ICA1L: variants seen among roughly 807,000 people sequenced by gnomAD.
ICA1L encodes islet cell autoantigen 1-like protein.
A neutral mutation model predicts 61.3 loss-of-function variants in ICA1L; 50 were observed. The observed-to-expected ratio is 0.82, with a 90% CI of 0.65 to 1.03. The LOEUF (loss-of-function observed/expected upper bound fraction) is 1.03. Ranked by LOEUF, ICA1L falls within the 50% of genes least tolerant of loss-of-function variation. ICA1L has a pLI of 0.00. For synonymous variants in ICA1L, 161 were observed against 191.3 expected, an observed-to-expected ratio of 0.84 and a Z score of 1.31; for missense variants, 508 against 556.7, an observed-to-expected ratio of 0.91 and a Z score of 0.88.
chr2:202,796,565 C>G (rs756036295), intron 10 of ICA1L, among the ~76,000 whole-genome samples: 1 of 152,108 alleles, frequency 6.6e-6, no homozygotes, highest in Non-Finnish European at 1.5e-5. Flanking sequence ...TTGCTAGTAT[C>G]TAATGACACT....
intron 12 of ICA1L, among the ~76,000 whole-genome samples, chr2:202,785,590 T>TTTTG (rs1559126220): frequency 6.6e-6 from 1 of 151,918 alleles, no homozygotes; most frequent in Non-Finnish European, 1.5e-5. Flanking sequence ...TGGCTAATTT[T>TTTTG]TTTGTTGTTG....
rs1423414485 is a variant in ICA1L at position 202,857,846 on chromosome 2, T to A, written c.-8+13773A>T. Among the ~76,000 whole-genome samples, 3 of 152,100 alleles carry A rather than the reference T, an allele frequency of 2.0e-5. No individual in the cohort carries two copies. The East Asian group carries it at 5.8e-4, about 29-fold the overall frequency. On this transcript the variant is annotated intron_variant, in intron 1 of 12. Transcript: ENST00000358299. ...AGACACTTCTCAAAAGACATTTATG[T>A]GGCCAAGAAACATACGGAAAAAAAA... is the stretch of plus-strand genomic sequence containing the variant.
In ICA1L at chr2:202,831,325, T is replaced by C. The variant is rs184650643; in HGVS notation, c.-7-2309A>G. Among the ~76,000 whole-genome samples the C allele has an allele frequency of 3.3e-5, 5 of 152,340 alleles. 1 individual carries two copies. The East Asian group carries it at 7.7e-4, about 24-fold the overall frequency. ...CATGGATTTGATATAAGCATTATAC[T>C]GTCCTGACACATCAAGCGTCTTGAG... On this transcript the variant is annotated intron_variant, in intron 1 of 12. Coordinates refer to ENST00000358299, the MANE Select transcript of ICA1L (RefSeq NM_001288622.3).
In ICA1L at chr2:202,789,017, G is replaced by A; in HGVS notation, c.1056C>T (p.Asn352=). Residue 352 remains asparagine, a synonymous_variant, in exon 11 of 13, where the codon AAC becomes AAT. Coordinates refer to ENST00000358299, the MANE Select transcript of ICA1L (RefSeq NM_001288622.3). ...TACTTGAAGAACCAGAACTTAGGAG[G>A]TTGTTCAGAAATGAGAATTCCTTCT... ...DFEKEFSFLN[N]LLSSGSSSTS... 1 of 1,613,262 alleles carries A rather than the reference G, an allele frequency of 6.2e-7. No individual in the cohort carries two copies. Among genetic ancestry groups the A allele is most frequent in the Non-Finnish European group, 8.5e-7 (1 of 1,179,440 alleles).
At chr2:202,850,047 A>G (rs1694575207) in intron 1 of ICA1L, among the ~76,000 whole-genome samples, 2 of 152,248 alleles carry the variant, frequency 1.3e-5, no homozygotes, top group Admixed American at 1.3e-4. Flanking sequence ...GCAGACCTGC[A>G]GAAGAGGGGC....
chr2:202,786,269 G>A (rs1344117482), intron 11 of ICA1L, among the ~76,000 whole-genome samples: 5 of 152,264 alleles, frequency 3.3e-5, no homozygotes, highest in South Asian at 2.1e-4. Flanking sequence ...AATTGAGGCC[G>A]GGCGCGGTGG....
At chr2:202,847,361 T>A (rs1417420638) in intron 1 of ICA1L, among the ~76,000 whole-genome samples, 1 of 152,152 alleles carries the variant, frequency 6.6e-6, no homozygotes, top group Non-Finnish European at 1.5e-5. Flanking sequence ...TCTGAAATGA[T>A]CAAGAACATC....
intron 12 of ICA1L, among the ~76,000 whole-genome samples, chr2:202,781,864 C>T (rs1574319982): frequency 6.6e-6 from 1 of 152,282 alleles, no homozygotes; most frequent in Non-Finnish European, 1.5e-5. Flanking sequence ...TACCAATTTA[C>T]ACTCCTACAC....
At chr2:202,833,743 GTATA>G (rs1002267639) in intron 1 of ICA1L, among the ~76,000 whole-genome samples, 1 of 152,090 alleles carries the variant, frequency 6.6e-6, no homozygotes, top group Non-Finnish European at 1.5e-5. Context: ...AAAAAATATG[GTATA>G]TATACTCAAT....
At chr2:202,837,808 T>C (rs1694196886) in intron 1 of ICA1L, among the ~76,000 whole-genome samples, 1 of 152,088 alleles carries the variant, frequency 6.6e-6, no homozygotes, top group Non-Finnish European at 1.5e-5. Flanking sequence ...TTGCAACATC[T>C]CTTAAGTTTT....
Position 202,775,066 on chromosome 2 carries a change from T to C in ICA1L, c.*4467A>G, listed in dbSNP as rs1336707427. 1 of 152,264 alleles carries C rather than the reference T, an allele frequency of 6.6e-6. No homozygotes were observed. The highest frequency in any genetic ancestry group is 1.5e-5 in the Non-Finnish European group (1 of 68,048). 9.4% of individuals were successfully genotyped at this position (152,264 alleles called of 1,614,324 possible). A position where few individuals can be genotyped will look rare whatever the true frequency, so the allele number is the denominator to read the frequency against. On this transcript the variant is annotated 3_prime_UTR_variant, in exon 13 of 13. Coordinates refer to ENST00000358299, the MANE Select transcript of ICA1L (RefSeq NM_001288622.3). ...TACAGAAAAAGATGGAAAAATAGCT[T>C]ATGTTGGGCTTCTGGATGTGACCCA...
chr2:202,866,864 T>C (rs1309019432), intron 1 of ICA1L, among the ~76,000 whole-genome samples: 1 of 152,058 alleles, frequency 6.6e-6, no homozygotes, highest in African/African-American at 2.4e-5. Context: ...GGAGAATCGC[T>C]TGAACCTAGG....
At position 202,862,730 on chromosome 2, in the gene ICA1L, G is replaced by A. The variant is rs572668218; in HGVS notation, c.-8+8889C>T. ...CAGGTGCCTGTAATCCCAGCTACTCGGGAGGCTGAGGCAGGAGAATCTCTT... is the reference window on the plus strand; with the variant it reads ...CAGGTGCCTGTAATCCCAGCTACTCAGGAGGCTGAGGCAGGAGAATCTCTT... On this transcript the variant is annotated intron_variant, in intron 1 of 12. Transcript: ENST00000358299. Among the ~76,000 whole-genome samples the A allele has an allele frequency of 2.9e-3, 436 of 151,796 alleles. 4 individuals are homozygous for A. The highest frequency in any genetic ancestry group is 3.6e-3 in the Non-Finnish European group (247 of 67,928).
chr2:202,862,154 A>T (rs951042768), intron 1 of ICA1L, among the ~76,000 whole-genome samples: 8 of 151,766 alleles, frequency 5.3e-5, no homozygotes, highest in African/African-American at 1.9e-4. Context: ...AGAAATCAAT[A>T]GAAACCAGGT....
At chr2:202,787,747 G>A (rs370840515) in intron 11 of ICA1L, among the ~76,000 whole-genome samples, 9 of 152,184 alleles carry the variant, frequency 5.9e-5, no homozygotes, top group East Asian at 1.9e-4. Flanking sequence ...GGGTCCCCCC[G>A]TCCAGGGGTT....
Position 202,815,904 on chromosome 2 carries a change from A to C in ICA1L, c.783+7T>G, listed in dbSNP as rs1364034485. On this transcript the variant is annotated splice_region_variant and intron_variant, in intron 7 of 12. Coordinates refer to ENST00000358299, the MANE Select transcript of ICA1L (RefSeq NM_001288622.3). Reference sequence around the variant, plus strand: ...ATCTAAACAAGAGAACATGGAACACAATGTACCTTGAGAGCTACAAAATCA... The same window carrying C: ...ATCTAAACAAGAGAACATGGAACACCATGTACCTTGAGAGCTACAAAATCA... 2 of 1,535,392 alleles carry C rather than the reference A, an allele frequency of 1.3e-6. No individual in the cohort carries two copies. Among genetic ancestry groups the C allele is most frequent in the African/African-American group, 2.8e-5 (2 of 71,216 alleles).
At chr2:202,863,253 T>C (rs1694970692) in intron 1 of ICA1L, among the ~76,000 whole-genome samples, 1 of 151,264 alleles carries the variant, frequency 6.6e-6, no homozygotes. Context: ...GAACATATCA[T>C]TGCACTCCAG....
Position 202,849,081 on chromosome 2 carries a change from G to A in ICA1L, c.-7-20065C>T, listed in dbSNP as rs1694543033. 6.6e-6 allele frequency among the ~76,000 whole-genome samples: 1 copy of A among 152,158 alleles called. No individual in the cohort carries two copies. The highest frequency in any genetic ancestry group is 1.5e-5 in the Non-Finnish European group (1 of 68,024). ...GCCAAGGGAAGCCACGAGGGACTGT[G>A]CTGTCTGGCCCAGATACTATGCTTT... On this transcript the variant is annotated intron_variant, in intron 1 of 12. Coordinates refer to ENST00000358299, the MANE Select transcript of ICA1L (RefSeq NM_001288622.3). The surrounding 1 kb of genome is among the most constrained non-coding windows in gnomAD (Gnocchi z 4.5).
intron 1 of ICA1L, among the ~76,000 whole-genome samples, chr2:202,853,959 T>C (rs114155121): frequency 0.089 from 13,544 of 152,112 alleles, 741 homozygotes; most frequent in Non-Finnish European, 0.12. Flanking sequence ...TAAAGACCAA[T>C]GATACTACGA....
Sources: allele counts gnomAD v4.1 joint callset (sites outside exome capture counted in the v4.1 genomes callset), GRCh38; gene constraint gnomAD v4.1.1; non-coding constraint Gnocchi (gnomAD v3.1); transcripts MANE v1.5; gene names NCBI Gene and HGNC (gene_info 2026-07-23, HGNC 2026-07-21).